The following PLA2G5 variants were observed in gnomAD, a reference collection of about 807,000 sequenced individuals.
PLA2G5 encodes Ca2+-dependent phospholipase A2.
In PLA2G5, 12 loss-of-function variants were observed where a neutral mutation model predicts 15.9. That is an observed-to-expected ratio of 0.76 (90% CI 0.48 to 1.23). The LOEUF (loss-of-function observed/expected upper bound fraction) is 1.23. PLA2G5 is among the 50% of genes most tolerant of loss of function. The pLI, the probability that PLA2G5 is intolerant of heterozygous loss-of-function variation, is 0.00. For missense variants in PLA2G5, 169 were observed against 177.1 expected (o/e 0.95, Z 0.26); for synonymous variants, 71 against 71.4 (o/e 0.99, Z 0.03).
chr1:20,086,319 T>C (rs554259154), intron 3 of PLA2G5, 92 bp downstream of exon 3: 150 of 1,338,624 alleles, frequency 1.1e-4, no homozygotes, highest in Non-Finnish European at 1.4e-4. Context: ...AGATGAGTAT[T>C]AAAGTACCAT....
intron 1 of PLA2G5, among the ~76,000 whole-genome samples, chr1:20,035,496 ATGG>A (rs2013195732): frequency 6.6e-6 from 1 of 152,206 alleles, no homozygotes; most frequent in African/African-American, 2.4e-5. Flanking sequence ...ATCTTACAAA[ATGG>A]TGCAGTTTGG....
At chr1:20,030,563 C>G (rs908776055) in intron 1 of PLA2G5, among the ~76,000 whole-genome samples, 49 of 151,986 alleles carry the variant, frequency 3.2e-4, no homozygotes, top group African/African-American at 1.1e-3. Flanking sequence ...AGAGGCCTTC[C>G]TCTTTCACTA....
At chr1:20,086,056 C>T in intron 2 of PLA2G5, 27 bp from the exon 3 acceptor site, 1 of 1,613,272 alleles carries the variant, frequency 6.2e-7, no homozygotes, top group African/African-American at 1.3e-5. Flanking sequence ...GCCTGGGTGT[C>T]ACCTGGGGAC....
At chr1:20,028,670 A>C (rs2100237268) in exon 1 of PLA2G5, 1 of 152,374 alleles carries the variant, frequency 6.6e-6, no homozygotes, top group South Asian at 2.1e-4. Context: ...CTGCCTGGAC[A>C]AGGGAGTTCA....
chr1:20,054,410 T>C (rs2014334267), intron 1 of PLA2G5, among the ~76,000 whole-genome samples: 2 of 152,234 alleles, frequency 1.3e-5, no homozygotes, highest in South Asian at 4.1e-4. Flanking sequence ...TTTGCATAAA[T>C]GTGTAGATAC....
intron 1 of PLA2G5, among the ~76,000 whole-genome samples, chr1:20,039,800 A>G (rs1350659901): frequency 6.6e-6 from 1 of 152,178 alleles, no homozygotes. Context: ...CAGGCTTTTA[A>G]TCAGATCACA....
intron 2 of PLA2G5, among the ~76,000 whole-genome samples, chr1:20,061,542 C>T (rs2014731362): frequency 1.4e-5 from 2 of 146,210 alleles, no homozygotes; most frequent in Admixed American, 7.0e-5. Flanking sequence ...GCCGTGATTG[C>T]ACCACTGCAC....
intron 1 of PLA2G5, among the ~76,000 whole-genome samples, chr1:20,031,426 G>C (rs1389021511): frequency 1.3e-5 from 2 of 152,146 alleles, no homozygotes; most frequent in Non-Finnish European, 2.9e-5. Context: ...TTGAGTGGGA[G>C]AGAAATTTTG....
intron 1 of PLA2G5, among the ~76,000 whole-genome samples, chr1:20,044,905 A>G (rs1169042161): frequency 6.6e-6 from 1 of 152,018 alleles, no homozygotes; most frequent in East Asian, 1.9e-4. Flanking sequence ...CTGAGGGGAC[A>G]GAGGGGAGGG....
intron 1 of PLA2G5, among the ~76,000 whole-genome samples, chr1:20,075,055 A>T (rs2015595582): frequency 6.6e-6 from 1 of 152,166 alleles, no homozygotes. Flanking sequence ...ACCGCCAAAG[A>T]TGACCACTGC....
chr1:20,034,324 T>A (rs1335127556), intron 1 of PLA2G5, among the ~76,000 whole-genome samples: 1 of 152,114 alleles, frequency 6.6e-6, no homozygotes, highest in Non-Finnish European at 1.5e-5. Context: ...TCTGACCAAG[T>A]GAAAGTAGAA....
At chr1:20,046,529 A>C (rs2013915765) in intron 1 of PLA2G5, among the ~76,000 whole-genome samples, 1 of 152,176 alleles carries the variant, frequency 6.6e-6, no homozygotes, top group African/African-American at 2.4e-5. Flanking sequence ...AAATCTAGAA[A>C]AGGCTTTTAA....
chr1:20,049,091 G>A (rs1330470763), intron 1 of PLA2G5, among the ~76,000 whole-genome samples: 1 of 152,110 alleles, frequency 6.6e-6, no homozygotes, highest in Non-Finnish European at 1.5e-5. Flanking sequence ...TAAAAATAAA[G>A]AGGGTTTTTT....
At chr1:20,053,331 G>GA (rs2014268235) in intron 1 of PLA2G5, among the ~76,000 whole-genome samples, 1 of 152,122 alleles carries the variant, frequency 6.6e-6, no homozygotes, top group Non-Finnish European at 1.5e-5. Flanking sequence ...ACCTCTGTGA[G>GA]AAACAAATTT....
intron 1 of PLA2G5, among the ~76,000 whole-genome samples, chr1:20,037,205 G>A (rs1315491690): frequency 1.3e-5 from 2 of 152,170 alleles, no homozygotes; most frequent in African/African-American, 4.8e-5. Flanking sequence ...AAAGATCTGG[G>A]GTTCAAGCGT....
At chr1:20,042,625 G>A (rs569048257) in intron 1 of PLA2G5, among the ~76,000 whole-genome samples, 1 of 152,216 alleles carries the variant, frequency 6.6e-6, no homozygotes, top group Non-Finnish European at 1.5e-5. Flanking sequence ...GGATCTATGG[G>A]GTCAGCTAGG....
chr1:20,038,530 C>T (rs1199747745), intron 1 of PLA2G5, among the ~76,000 whole-genome samples: 1 of 152,186 alleles, frequency 6.6e-6, no homozygotes, highest in East Asian at 1.9e-4. Context: ...TTAAATCCTT[C>T]TGTAATCCCA....
intron 1 of PLA2G5, among the ~76,000 whole-genome samples, chr1:20,082,741 C>T (rs1003480633): frequency 5.9e-5 from 9 of 152,036 alleles, no homozygotes; most frequent in Admixed American, 5.9e-4. Context: ...AATTAACTAG[C>T]AGCCCTGGAA....
intron 3 of PLA2G5, among the ~76,000 whole-genome samples, chr1:20,088,387 A>C (rs2016401964): frequency 6.6e-6 from 1 of 151,890 alleles, no homozygotes; most frequent in South Asian, 2.1e-4. Context: ...AAGACAATGA[A>C]ATGTAACATG....
Sources: allele counts gnomAD v4.1 joint callset (sites outside exome capture counted in the v4.1 genomes callset), GRCh38; gene constraint gnomAD v4.1.1; transcripts MANE v1.5; gene names NCBI Gene and HGNC (gene_info 2026-07-23, HGNC 2026-07-21).